Variants in ARL8B observed in about 807,000 individuals in gnomAD.
ARL8B encodes the protein ARF like GTPase 8B.
Under a neutral mutation model 30.6 loss-of-function variants are expected in ARL8B, and 9 were observed. The observed-to-expected ratio is 0.29, with a 90% CI of 0.18 to 0.51. The LOEUF (loss-of-function observed/expected upper bound fraction) is 0.51, where lower values mean the gene tolerates loss of function less well. Among genes scored for constraint, ARL8B ranks in the 20% least tolerant of loss-of-function variants. The probability of loss-of-function intolerance (pLI) is 0.97; values close to 1 mark genes in which losing one functional copy is unlikely to be tolerated. For synonymous variants in ARL8B, 74 were observed against 76.0 expected (o/e 0.97, Z 0.14); for missense variants, 130 against 227.2 (o/e 0.57, Z 2.75).
intron 1 of ARL8B, among the ~76,000 whole-genome samples, chr3:5,147,747 T>A (rs2054441381): frequency 6.6e-6 from 1 of 152,048 alleles, no homozygotes; most frequent in Non-Finnish European, 1.5e-5. Context: ...TCTTGTCTAA[T>A]TTTTTTGTAA....
intron 1 of ARL8B, among the ~76,000 whole-genome samples, chr3:5,151,855 C>T (rs1272016840): frequency 1.3e-5 from 2 of 151,828 alleles, no homozygotes; most frequent in East Asian, 1.9e-4. Flanking sequence ...CTCTTGAGTA[C>T]CTGGGACCAC....
rs1193346854 is a variant in ARL8B, at chr3:5,122,431, C to T, written c.-35C>T. 6.2e-7 allele frequency: 1 copy of T among 1,610,556 alleles called. No homozygotes were observed. Among genetic ancestry groups the T allele is most frequent in the African/African-American group, 1.3e-5 (1 of 74,944 alleles). The stretch of plus-strand genomic sequence containing the variant: ...GAAGTCGTCGACGCCGCCGCTCGTC[C>T]GTCCTCCCGTCCGTTCTCGCTCCCG... On this transcript the variant is annotated 5_prime_UTR_variant, in exon 1 of 7. Coordinates refer to ENST00000256496, the MANE Select transcript of ARL8B (RefSeq NM_018184.3).
rs114768304 is a variant in ARL8B, at chr3:5,152,911, A to T, written c.124-17592A>T. On this transcript the variant is annotated intron_variant, in intron 1 of 6. Coordinates refer to ENST00000256496, the MANE Select transcript of ARL8B (RefSeq NM_018184.3). ...TTTAATGTAATTATTGATATTTAAGACTTAGTTTAAACATAGTATTTAGTT... is the reference window on the plus strand; with the variant it reads ...TTTAATGTAATTATTGATATTTAAGTCTTAGTTTAAACATAGTATTTAGTT... 8.8e-3 allele frequency among the ~76,000 whole-genome samples: 1,343 copies of T among 152,226 alleles called. 18 individuals are homozygous for T. The highest frequency in any genetic ancestry group is 0.03 in the African/African-American group (1,261 of 41,528).
At chr3:5,131,750 T>C (rs1220679065) in intron 1 of ARL8B, among the ~76,000 whole-genome samples, 1 of 152,214 alleles carries the variant, frequency 6.6e-6, no homozygotes, top group East Asian at 1.9e-4. Context: ...CTTATATGAA[T>C]ATTTTGGTTA....
chr3:5,156,044 A>T (rs368719765), intron 1 of ARL8B, among the ~76,000 whole-genome samples: 1 of 152,078 alleles, frequency 6.6e-6, no homozygotes, highest in East Asian at 1.9e-4. Context: ...CCAAGACTAC[A>T]GGTGCGCACC....
chr3:5,135,854 T>G (rs953299024), intron 1 of ARL8B, among the ~76,000 whole-genome samples: 1 of 150,444 alleles, frequency 6.6e-6, no homozygotes, highest in African/African-American at 2.4e-5. Flanking sequence ...TGGCGCGATG[T>G]TGGCTCACTG....
chr3:5,136,073 C>T (rs1437368479), intron 1 of ARL8B, among the ~76,000 whole-genome samples: 3 of 151,540 alleles, frequency 2.0e-5, no homozygotes, highest in Non-Finnish European at 4.4e-5. Flanking sequence ...TAGGCGTGAG[C>T]CATCACGCCT....
chr3:5,147,882 T>C (rs1359416782), intron 1 of ARL8B, among the ~76,000 whole-genome samples: 1 of 150,456 alleles, frequency 6.6e-6, no homozygotes, highest in African/African-American at 2.5e-5. Context: ...TTTTCTCTTT[T>C]TCTTGTTGAA....
At chr3:5,143,379 C>G (rs1025002141) in intron 1 of ARL8B, among the ~76,000 whole-genome samples, 2 of 152,168 alleles carry the variant, frequency 1.3e-5, no homozygotes, top group African/African-American at 4.8e-5. Context: ...AGAGCAGTGA[C>G]AGACTCTTAT....
At chr3:5,152,711 G>T (rs2106563177) in intron 1 of ARL8B, among the ~76,000 whole-genome samples, 1 of 152,290 alleles carries the variant, frequency 6.6e-6, no homozygotes, top group South Asian at 2.1e-4. Context: ...GTCTCGAACT[G>T]CTAGCCTCAA....
At chr3:5,174,558 A>G in intron 6 of ARL8B, 144 bp downstream of exon 6, 2 of 569,904 alleles carry the variant, frequency 3.5e-6, no homozygotes, top group East Asian at 3.0e-5. Flanking sequence ...AAGAATAGAC[A>G]TACCTTTTGA....
At chr3:5,175,824 C>T (rs1559287615) in intron 6 of ARL8B, among the ~76,000 whole-genome samples, 1 of 152,168 alleles carries the variant, frequency 6.6e-6, no homozygotes, top group Non-Finnish European at 1.5e-5. Context: ...TGCTTCTCCC[C>T]TGTAGTTGTC....
chr3:5,177,306 C>G (rs2054738931), intron 6 of ARL8B, among the ~76,000 whole-genome samples: 1 of 152,162 alleles, frequency 6.6e-6, no homozygotes, highest in Non-Finnish European at 1.5e-5. Context: ...AAGATCCACT[C>G]TAATAAAATT....
At chr3:5,164,060 G>A (rs568681322) in intron 1 of ARL8B, among the ~76,000 whole-genome samples, 16 of 152,210 alleles carry the variant, frequency 1.1e-4, no homozygotes, top group Admixed American at 6.5e-4. Context: ...TTCAAGTCCC[G>A]CAGTCGGCCC....
chr3:5,123,284 G>GA (rs1325648964), intron 1 of ARL8B, among the ~76,000 whole-genome samples: 1 of 152,202 alleles, frequency 6.6e-6, no homozygotes, highest in Non-Finnish European at 1.5e-5. Flanking sequence ...ACTACCCTGC[G>GA]AAAGAGGAGT....
intron 2 of ARL8B, chr3:5,170,871 C>T: frequency 4.2e-6 from 1 of 236,410 alleles, no homozygotes; most frequent in Non-Finnish European, 8.4e-6. Context: ...GCTAAGATGA[C>T]AGGCTTGTGC....
intron 6 of ARL8B, among the ~76,000 whole-genome samples, chr3:5,174,781 A>AATAT (rs201576639): frequency 9.5e-4 from 138 of 145,932 alleles, no homozygotes; most frequent in African/African-American, 3.4e-3. Context: ...ATATAACATA[A>AATAT]ATATATATAT....
intron 4 of ARL8B, among the ~76,000 whole-genome samples, chr3:5,172,976 T>C (rs1414696510): frequency 1.3e-5 from 2 of 152,200 alleles, no homozygotes; most frequent in Non-Finnish European, 2.9e-5. Flanking sequence ...CCCAGGGATA[T>C]AGTGATGAAT....
Position 5,122,316 on chromosome 3 carries a change from T to G in ARL8B, c.-150T>G. Reference sequence around the variant, plus strand: ...CATATGATCCGCTCGGCTTCCTGGGTCTGGCTGCTGCCGCCCGCCGGTGTC... The same window carrying G: ...CATATGATCCGCTCGGCTTCCTGGGGCTGGCTGCTGCCGCCCGCCGGTGTC... On this transcript the variant is annotated 5_prime_UTR_variant, in exon 1 of 7. Coordinates refer to ENST00000256496, the MANE Select transcript of ARL8B (RefSeq NM_018184.3). 1 of 1,519,278 alleles carries G rather than the reference T, an allele frequency of 6.6e-7. No homozygotes were observed. The highest frequency in any genetic ancestry group is 8.8e-7 in the Non-Finnish European group (1 of 1,134,618). 94.1% of individuals were successfully genotyped at this position (1,519,278 alleles called of 1,614,324 possible).
Sources: gnomAD v4.1 joint callset for allele counts (sites outside exome capture counted in the v4.1 genomes callset) on GRCh38, gnomAD v4.1.1 for gene constraint, MANE v1.5 for transcripts, NCBI Gene and HGNC (gene_info 2026-07-23, HGNC 2026-07-21) for gene names.